The following SRFBP1 variants were observed in gnomAD, a reference collection of about 807,000 sequenced individuals.
SRFBP1 encodes the protein serum response factor-binding protein 1.
Under a neutral mutation model 45.5 loss-of-function variants are expected in SRFBP1, and 47 were observed. That is an observed-to-expected ratio of 1.03 (90% CI 0.82 to 1.32). SRFBP1 has a LOEUF of 1.32. SRFBP1 is among the 40% of genes most tolerant of loss of function. The pLI is 0.00. For missense variants in SRFBP1, 621 were observed against 484.6 expected (o/e 1.28, Z -2.64); for synonymous variants, 203 against 166.3 (o/e 1.22, Z -1.70).
intron 2 of SRFBP1, among the ~76,000 whole-genome samples, chr5:122,061,168 T>G (rs1368639704): frequency 6.6e-6 from 1 of 151,806 alleles, no homozygotes; most frequent in Non-Finnish European, 1.5e-5. Flanking sequence ...CATGCATTAA[T>G]TCACTAAAGA....
chr5:122,039,195 TACTC>T (rs1753736325), intron 2 of SRFBP1, among the ~76,000 whole-genome samples: 1 of 152,170 alleles, frequency 6.6e-6, no homozygotes, highest in Non-Finnish European at 1.5e-5. Context: ...AATTTGTCCT[TACTC>T]ATCCTAATAT....
intron 2 of SRFBP1, among the ~76,000 whole-genome samples, chr5:122,048,775 A>C: frequency 6.6e-6 from 1 of 152,142 alleles, no homozygotes; most frequent in Non-Finnish European, 1.5e-5. Context: ...TAGTCTTGGG[A>C]GGGTATATGT....
At chr5:121,978,844 A>T (rs1184193452) in intron 3 of SRFBP1, among the ~76,000 whole-genome samples, 1 of 151,990 alleles carries the variant, frequency 6.6e-6, no homozygotes, top group Non-Finnish European at 1.5e-5. Context: ...ACTTCTTCCT[A>T]TCCTGAATAT....
chr5:122,004,229 TTA>T (rs1752935766), intron 4 of SRFBP1, among the ~76,000 whole-genome samples: 1 of 152,228 alleles, frequency 6.6e-6, no homozygotes, highest in African/African-American at 2.4e-5. Flanking sequence ...TGCATATATC[TTA>T]TGTTTTCCTC....
Position 122,019,288 on chromosome 5 carries a change from T to C in SRFBP1, c.299T>C (p.Ile100Thr). ...GATTCTACTGCAACTGAAAGAGCAATTGCCAGACTAGCAGTACATCCTCTT... is the reference window on the plus strand; with the variant it reads ...GATTCTACTGCAACTGAAAGAGCAACTGCCAGACTAGCAGTACATCCTCTT... Reference protein sequence around the residue: ...KPDSTATERAIARLAVHPLLK... With the variant: ...KPDSTATERATARLAVHPLLK... The change falls in exon 5 of 8, where the codon ATT becomes ACT. Residue 100 changes from isoleucine to threonine, a missense_variant. Ile to Thr is a moderately conservative substitution (Grantham distance 89, BLOSUM62 -1). Coordinates refer to ENST00000339397, the MANE Select transcript of SRFBP1 (RefSeq NM_152546.3). The C allele has an allele frequency of 6.2e-7, 1 of 1,612,586 alleles. No homozygotes were observed.
At chr5:122,039,285 C>G (rs1753737539) in intron 2 of SRFBP1, among the ~76,000 whole-genome samples, 1 of 152,078 alleles carries the variant, frequency 6.6e-6, no homozygotes. Context: ...TGGAAAGAAC[C>G]ATGCTTCATT....
At chr5:121,966,261 T>C (rs1007103801) in intron 1 of SRFBP1, among the ~76,000 whole-genome samples, 17 of 152,226 alleles carry the variant, frequency 1.1e-4, no homozygotes, top group African/African-American at 3.9e-4. Flanking sequence ...TTTGTTGTTA[T>C]TCTTGCGAAG....
chr5:121,976,722 T>C (rs1752309173), intron 3 of SRFBP1, among the ~76,000 whole-genome samples: 1 of 150,806 alleles, frequency 6.6e-6, no homozygotes, highest in Admixed American at 6.6e-5. Flanking sequence ...AAGAATGCAG[T>C]GTGTGTGTGT....
chr5:122,067,639 G>A (rs1027508349), intron 2 of SRFBP1, among the ~76,000 whole-genome samples: 3 of 152,090 alleles, frequency 2.0e-5, no homozygotes, highest in African/African-American at 7.2e-5. Context: ...ATTTTAGCCT[G>A]CTCTTCAGGG....
At chr5:122,001,397 TTTTTTTATTTTTA>T (rs1341179093) in intron 4 of SRFBP1, among the ~76,000 whole-genome samples, 45 of 148,700 alleles carry the variant, frequency 3.0e-4, no homozygotes, top group African/African-American at 6.6e-4. Context: ...TATTTTTTAT[TTTTTTTATTTTTA>T]TTTTTTATTT....
chr5:121,983,450 G>GT (rs1752453475), intron 3 of SRFBP1, among the ~76,000 whole-genome samples: 1 of 151,690 alleles, frequency 6.6e-6, no homozygotes, highest in Non-Finnish European at 1.5e-5. Flanking sequence ...ATGTGATCAT[G>GT]TTTAATCACT....
downstream of SRFBP1, chr5:122,077,263 C>T (rs1161700898): frequency 5.1e-6 from 8 of 1,562,776 alleles, no homozygotes; most frequent in African/African-American, 1.4e-5. This position sits in a 1 kb window ranked among gnomAD's most constrained non-coding sequence, Gnocchi z 4.9. Flanking sequence ...CTGCGAGGAC[C>T]GGGGCCCGCC....
chr5:121,967,015 G>A lies in SRFBP1; in HGVS notation c.36+4947G>A, dbSNP rs565551277. On this transcript the variant is annotated intron_variant, in intron 1 of 7. Transcript: ENST00000339397. ...TCACCGTGTTAGCCAGGATGGTCTC[G>A]ATCTCCTGACCTCGTGATCCGCCTG... Among the ~76,000 whole-genome samples the A allele has an allele frequency of 2.8e-4, 40 of 142,306 alleles. 1 individual carries two copies. In the South Asian group the frequency reaches 8.5e-3, roughly 30 times the overall value. 93.4% of individuals were successfully genotyped at this position (142,306 alleles called of 152,430 possible).
At chr5:122,058,666 C>G (rs926631532) in intron 2 of SRFBP1, among the ~76,000 whole-genome samples, 11 of 151,888 alleles carry the variant, frequency 7.2e-5, no homozygotes, top group African/African-American at 2.7e-4. Flanking sequence ...TAACACACTT[C>G]CCCTTAACTA....
rs758570814 is a variant in SRFBP1, at chr5:122,020,289, A to C, written c.554A>C (p.Lys185Thr). The C allele has an allele frequency of 1.5e-5, 24 of 1,611,630 alleles. No homozygotes were observed. Among genetic ancestry groups the C allele is most frequent in the Non-Finnish European group, 1.9e-5 (22 of 1,179,410 alleles). The change falls in exon 6 of 8, where the codon AAG becomes ACG. Residue 185 changes from lysine (K) to threonine (T), a missense_variant. By Grantham distance (78) the Lys-to-Thr change is moderately conservative (BLOSUM62 -1). Transcript: ENST00000339397. ...ILAKKPIHNSKEKIAKMEHGP... is the reference protein window; with the variant it reads ...ILAKKPIHNSTEKIAKMEHGP... ...GCGAAGAAACCAATACATAATTCAA[A>C]GGAAAAAATAGCAAAGATGGAACAT...
At chr5:121,998,812 T>A (rs2112681037) in intron 4 of SRFBP1, among the ~76,000 whole-genome samples, 1 of 152,308 alleles carries the variant, frequency 6.6e-6, no homozygotes, top group Admixed American at 6.5e-5. Flanking sequence ...TTAAATTAGG[T>A]GATTAAGAAC....
At chr5:121,995,797 T>A (rs1325867525) in intron 4 of SRFBP1, among the ~76,000 whole-genome samples, 2 of 149,976 alleles carry the variant, frequency 1.3e-5, no homozygotes, top group Non-Finnish European at 3.0e-5. Context: ...GAGAGAAGAA[T>A]CAAATAGACA....
At chr5:122,075,273 G>T in intron 2 of SRFBP1, 1 of 822,752 alleles carries the variant, frequency 1.2e-6, no homozygotes, top group Non-Finnish European at 1.9e-6. Flanking sequence ...ATTACATAGA[G>T]AAAAATTCTA....
chr5:122,067,429 A>T (rs922019567), intron 2 of SRFBP1, among the ~76,000 whole-genome samples: 1 of 152,102 alleles, frequency 6.6e-6, no homozygotes, highest in East Asian at 1.9e-4. Flanking sequence ...TACCTATTCA[A>T]CTATTTACTG....
Sources: gnomAD v4.1 joint callset for allele counts (sites outside exome capture counted in the v4.1 genomes callset) on GRCh38, gnomAD v4.1.1 for gene constraint, Gnocchi (gnomAD v3.1) non-coding constraint, MANE v1.5 for transcripts, NCBI Gene and HGNC (gene_info 2026-07-23, HGNC 2026-07-21) for gene names.